Variants in SLC2A12 observed in about 807,000 individuals in gnomAD.
SLC2A12 encodes solute carrier family 2, facilitated glucose transporter member 12.
Under a neutral mutation model 41.8 loss-of-function variants are expected in SLC2A12, and 23 were observed. That is an observed-to-expected ratio of 0.55 (90% CI 0.40 to 0.78). SLC2A12 has a LOEUF of 0.78. Ranked by LOEUF, SLC2A12 falls within the 30% of genes least tolerant of loss-of-function variation. The pLI, the probability that SLC2A12 is intolerant of heterozygous loss-of-function variation, is 0.00. For missense variants in SLC2A12, 654 were observed against 745.6 expected (o/e 0.88, Z 1.43); for synonymous variants, 295 against 285.9 (o/e 1.03, Z -0.32).
At chr6:134,010,974 C>T (rs1776874114) in intron 2 of SLC2A12, among the ~76,000 whole-genome samples, 1 of 152,142 alleles carries the variant, frequency 6.6e-6, no homozygotes, top group African/African-American at 2.4e-5. Flanking sequence ...TCTCCAGGCA[C>T]ACTTTCTGTT....
Position 133,987,867 on chromosome 6 carries a change from G to A in SLC2A12, c.*3288C>T, listed in dbSNP as rs1776561005. The A allele has an allele frequency of 6.6e-6, 1 of 152,470 alleles. No homozygotes were observed. The highest frequency in any genetic ancestry group is 6.6e-5 in the Admixed American group (1 of 15,236). The allele number at this position is 152,470 out of a possible 1,614,324, so 9.4% of individuals were successfully genotyped here. A position where few individuals can be genotyped will look rare whatever the true frequency, so the allele number is the denominator to read the frequency against. ...AATAACTTGTAAAGGTTAAGAAATT[G>A]TAGTTTTAAGAAGAGAAACCTCTTA... On this transcript the variant is annotated 3_prime_UTR_variant, in exon 5 of 5. Transcript: ENST00000275230.
chr6:134,013,481 T>G (rs1180278880), intron 2 of SLC2A12, among the ~76,000 whole-genome samples: 4 of 152,162 alleles, frequency 2.6e-5, no homozygotes, highest in Non-Finnish European at 5.9e-5. Flanking sequence ...AATGAAAATA[T>G]ATTGGAAATA....
chr6:134,037,334 T>A (rs1777316627), intron 1 of SLC2A12, among the ~76,000 whole-genome samples: 1 of 150,774 alleles, frequency 6.6e-6, no homozygotes, highest in Non-Finnish European at 1.5e-5. Flanking sequence ...AGGCTTACCC[T>A]CTTGGGTTAG....
chr6:134,027,861 T>C (rs1009434011), intron 2 of SLC2A12, among the ~76,000 whole-genome samples: 3 of 152,218 alleles, frequency 2.0e-5, no homozygotes, highest in Non-Finnish European at 4.4e-5. Context: ...TAAAGTGCCA[T>C]GGGAGGCTAC....
chr6:134,003,083 C>T (rs1776772283), intron 3 of SLC2A12, among the ~76,000 whole-genome samples: 1 of 152,206 alleles, frequency 6.6e-6, no homozygotes, highest in African/African-American at 2.4e-5. Flanking sequence ...CCACAAACCA[C>T]AGTTGGTCAG....
intron 1 of SLC2A12, among the ~76,000 whole-genome samples, chr6:134,038,688 T>C (rs1011632989): frequency 1.4e-5 from 2 of 143,186 alleles, no homozygotes; most frequent in African/African-American, 2.7e-5. Flanking sequence ...TTATCCTTTC[T>C]TCCTTTCTTT....
At chr6:134,002,205 G>T (rs1776761872) in intron 3 of SLC2A12, 76 bp from the exon 4 acceptor site, 1 of 1,435,128 alleles carries the variant, frequency 7.0e-7, no homozygotes, top group Non-Finnish European at 9.5e-7. Context: ...GCCACTTAGG[G>T]CATACATAGC....
rs140580866 is a variant in SLC2A12, at chr6:134,039,727, G to A, written c.104-10006C>T. Among the ~76,000 whole-genome samples, 566 of 152,244 alleles carry A rather than the reference G, an allele frequency of 3.7e-3. 5 individuals are homozygous for A. Among genetic ancestry groups the A allele is most frequent in the African/African-American group, 0.013 (536 of 41,544 alleles). ...TTCTAATCCCGAATGTTGGAGGTGG[G>A]GCCTGGTGGGAAGTGTTTGGGTCAT... On this transcript the variant is annotated intron_variant, in intron 1 of 4. Coordinates refer to ENST00000275230, the MANE Select transcript of SLC2A12 (RefSeq NM_145176.3).
At chr6:134,001,756 G>GA (rs34905108) in intron 4 of SLC2A12, among the ~76,000 whole-genome samples, 1,721 of 100,822 alleles carry the variant, frequency 0.017, 24 homozygotes, top group African/African-American at 0.041. Flanking sequence ...TTTGTAGTTT[G>GA]AAAAAAAAAA....
At chr6:134,029,929 T>A (rs1194824005) in intron 1 of SLC2A12, among the ~76,000 whole-genome samples, 1 of 152,196 alleles carries the variant, frequency 6.6e-6, no homozygotes, top group Non-Finnish European at 1.5e-5. Flanking sequence ...AGGATAGGCA[T>A]GGAGACATGT....
intron 2 of SLC2A12, among the ~76,000 whole-genome samples, chr6:134,026,863 C>A (rs1222823336): frequency 2.0e-5 from 3 of 152,234 alleles, no homozygotes; most frequent in African/African-American, 4.8e-5. Flanking sequence ...CAGCAAAGAG[C>A]AGCGTCAATC....
At chr6:134,011,956 C>T (rs1404955286) in intron 2 of SLC2A12, among the ~76,000 whole-genome samples, 3 of 151,984 alleles carry the variant, frequency 2.0e-5, no homozygotes, top group Non-Finnish European at 4.4e-5. Flanking sequence ...GCAGGAGAAT[C>T]GCTTGAGCCC....
intron 2 of SLC2A12, among the ~76,000 whole-genome samples, chr6:134,021,743 G>T (rs1385070): frequency 0.13 from 19,617 of 152,166 alleles, 1,495 homozygotes; most frequent in East Asian, 0.18. Flanking sequence ...ACGTTTGGTA[G>T]CCCAGAACTG....
At chr6:134,030,524 A>G (rs761987030) in intron 1 of SLC2A12, among the ~76,000 whole-genome samples, 10 of 152,218 alleles carry the variant, frequency 6.6e-5, no homozygotes, top group Non-Finnish European at 1.5e-4. Context: ...TCAAAAAGTT[A>G]GTAACTATTA....
chr6:134,036,162 TG>T (rs1258499076), intron 1 of SLC2A12, among the ~76,000 whole-genome samples: 1 of 152,086 alleles, frequency 6.6e-6, no homozygotes, highest in Non-Finnish European at 1.5e-5. Flanking sequence ...CACACACAGG[TG>T]GTTTCTTTTT....
intron 4 of SLC2A12, among the ~76,000 whole-genome samples, chr6:134,001,053 A>G (rs1159753853): frequency 1.3e-5 from 2 of 151,938 alleles, no homozygotes; most frequent in Non-Finnish European, 2.9e-5. Context: ...CCAAACCCCA[A>G]ACAAAGAAAA....
chr6:134,014,395 C>T (rs180714365), intron 2 of SLC2A12, among the ~76,000 whole-genome samples: 62 of 152,194 alleles, frequency 4.1e-4, no homozygotes, highest in African/African-American at 1.4e-3. Flanking sequence ...TTGGGAACCC[C>T]TACCCCGGAG....
chr6:134,052,505 TC>T lies in SLC2A12; in HGVS notation c.-26del. On this transcript the variant is annotated 5_prime_UTR_variant, in exon 1 of 5. The change abolishes the stop of an existing upstream ORF in the 5' untranslated region. Transcript: ENST00000275230. ...TGGTCACGTAGAAGTTACAGCCGCTTCCCCGCCACCAAACCGCCCCGACCAC... is the reference window on the plus strand; with the variant it reads ...TGGTCACGTAGAAGTTACAGCCGCTTCCCGCCACCAAACCGCCCCGACCAC... 1.3e-6 allele frequency: 2 copies of T among 1,597,880 alleles called. No homozygotes were observed. The highest frequency in any genetic ancestry group is 1.7e-6 in the Non-Finnish European group (2 of 1,168,854).
intron 4 of SLC2A12, among the ~76,000 whole-genome samples, chr6:133,996,946 G>A (rs953868682): frequency 5.3e-5 from 8 of 152,046 alleles, no homozygotes; most frequent in Admixed American, 1.3e-4. Flanking sequence ...CAACCTGTTG[G>A]TTCAGCTCAG....
Sources: allele counts gnomAD v4.1 joint callset (sites outside exome capture counted in the v4.1 genomes callset), GRCh38; gene constraint gnomAD v4.1.1; transcripts MANE v1.5; gene names NCBI Gene and HGNC (gene_info 2026-07-23, HGNC 2026-07-21).